Variants in FBXL7 observed in about 807,000 individuals in gnomAD.
FBXL7 encodes F-box and leucine rich repeat protein 7.
A neutral mutation model predicts 38.3 loss-of-function variants in FBXL7; 12 were observed. The observed-to-expected ratio is 0.31, with a 90% confidence interval of 0.20 to 0.51. The LOEUF is 0.51. Ranked by LOEUF, FBXL7 falls within the 20% of genes least tolerant of loss-of-function variation. The probability of loss-of-function intolerance (pLI) is 0.98; values close to 1 mark genes in which losing one functional copy is unlikely to be tolerated. For missense variants in FBXL7, 567 were observed against 676.4 expected (o/e 0.84, Z 1.79); for synonymous variants, 297 against 300.9 (o/e 0.99, Z 0.13).
At chr5:15,507,424 A>G (rs1045549280) in intron 1 of FBXL7, among the ~76,000 whole-genome samples, 1 of 152,230 alleles carries the variant, frequency 6.6e-6, no homozygotes, top group African/African-American at 2.4e-5. Flanking sequence ...AAATCAACTC[A>G]CATAAACTGT....
intron 2 of FBXL7, among the ~76,000 whole-genome samples, chr5:15,839,080 G>A (rs1738672867): frequency 6.7e-6 from 1 of 149,284 alleles, no homozygotes; most frequent in Non-Finnish European, 1.5e-5. Context: ...CCATTTTTCT[G>A]TTGGGTCATC....
chr5:15,694,102 C>T (rs1416653046), intron 2 of FBXL7, among the ~76,000 whole-genome samples: 1 of 152,160 alleles, frequency 6.6e-6, no homozygotes, highest in Non-Finnish European at 1.5e-5. Context: ...AACACTCAAC[C>T]CTAGACGCTG....
chr5:15,718,283 G>A (rs531890516), intron 2 of FBXL7, among the ~76,000 whole-genome samples: 30 of 152,212 alleles, frequency 2.0e-4, no homozygotes, highest in Admixed American at 1.5e-3. Context: ...TTGTAGGTTT[G>A]ACGTTTTTCA....
intron 2 of FBXL7, among the ~76,000 whole-genome samples, chr5:15,808,590 T>C (rs1176492213): frequency 6.6e-6 from 1 of 152,184 alleles, no homozygotes; most frequent in Non-Finnish European, 1.5e-5. Context: ...TCTCTTCCCC[T>C]AGCCAGAACC....
chr5:15,886,226 T>TGTGTGTGCGTGTGC lies in FBXL7; in HGVS notation c.128-41661_128-41660insTGTGCGTGTGCGTG, dbSNP rs911543741. Among the ~76,000 whole-genome samples the TGTGTGTGCGTGTGC allele has an allele frequency of 9.9e-5, 15 of 152,242 alleles. 1 individual carries two copies. The highest frequency in any genetic ancestry group is 3.6e-4 in the African/African-American group (15 of 41,546). On this transcript the variant is annotated intron_variant, in intron 2 of 3. Transcript: ENST00000504595. ...TAATTTTGAGGTGTGTGTGTGTGTGTGTGCATGCAAATGTATATGTGCATA... is the reference window on the plus strand; with the variant it reads ...TAATTTTGAGGTGTGTGTGTGTGTGTGTGTGTGCGTGTGCGTGCATGCAAATGTATATGTGCATA...
intron 1 of FBXL7, among the ~76,000 whole-genome samples, chr5:15,538,745 G>A (rs1561019860): frequency 6.6e-6 from 1 of 152,320 alleles, no homozygotes; most frequent in South Asian, 2.1e-4. Flanking sequence ...GCTCAGGCCT[G>A]TGTGCACTTG....
intron 2 of FBXL7, among the ~76,000 whole-genome samples, chr5:15,793,779 G>A (rs745756913): frequency 4.6e-5 from 7 of 152,142 alleles, no homozygotes; most frequent in Non-Finnish European, 1.0e-4. Context: ...CAGACACTGG[G>A]TATAGAACAG....
intron 2 of FBXL7, among the ~76,000 whole-genome samples, chr5:15,738,013 C>T (rs1321999414): frequency 2.0e-5 from 3 of 152,094 alleles, no homozygotes; most frequent in Non-Finnish European, 4.4e-5. Context: ...ACATATGTGC[C>T]TGAATGACTT....
chr5:15,779,606 T>G lies in FBXL7; in HGVS notation c.128-148284T>G, dbSNP rs80266677. Among the ~76,000 whole-genome samples, 1,354 of 152,250 alleles carry G rather than the reference T, an allele frequency of 8.9e-3. 6 individuals carry two copies. The highest frequency in any genetic ancestry group is 0.015 in the Non-Finnish European group (989 of 68,008). The stretch of plus-strand genomic sequence containing the variant: ...TTCACAGTCATTGGTTTCCATGCCT[T>G]TCCGAGTTCTAAGGAAAATCAGCCG... On this transcript the variant is annotated intron_variant, in intron 2 of 3. Transcript: ENST00000504595.
rs62353776 is a variant in FBXL7 at position 15,523,942 on chromosome 5, C to T, written c.37+23229C>T. ...TTTTGCAGAAGAATCAGAAGTTTTA[C>T]AGTATGAGCTAATGTTGCATATAGA... On this transcript the variant is annotated intron_variant, in intron 1 of 3. Coordinates refer to ENST00000504595, the MANE Select transcript of FBXL7 (RefSeq NM_012304.5). Among the ~76,000 whole-genome samples, 1,214 of 152,258 alleles carry T rather than the reference C, an allele frequency of 8.0e-3. 12 individuals are homozygous for T. Among genetic ancestry groups the T allele is most frequent in the South Asian group, 0.045 (217 of 4,822 alleles).
chr5:15,873,663 TAGA>T (rs1234052841), intron 2 of FBXL7, among the ~76,000 whole-genome samples: 5 of 152,132 alleles, frequency 3.3e-5, no homozygotes, highest in Non-Finnish European at 7.4e-5. Flanking sequence ...CTAGAAAATC[TAGA>T]AGAAGTGCAT....
intron 1 of FBXL7, among the ~76,000 whole-genome samples, chr5:15,508,348 G>A (rs1202015812): frequency 6.6e-6 from 1 of 152,208 alleles, no homozygotes; most frequent in African/African-American, 2.4e-5. Flanking sequence ...GACATTATCT[G>A]TACCTTAGAA....
intron 2 of FBXL7, among the ~76,000 whole-genome samples, chr5:15,777,484 T>A (rs1736884687): frequency 6.6e-6 from 1 of 151,906 alleles, no homozygotes; most frequent in African/African-American, 2.4e-5. Context: ...TTGACAATGA[T>A]GGAAATCACA....
intron 2 of FBXL7, among the ~76,000 whole-genome samples, chr5:15,838,149 G>C (rs1237183033): frequency 6.6e-6 from 1 of 152,030 alleles, no homozygotes; most frequent in Non-Finnish European, 1.5e-5. Flanking sequence ...GAGGCTCCAG[G>C]TTGTCCCAGG....
chr5:15,582,596 G>C (rs1164466666), intron 1 of FBXL7, among the ~76,000 whole-genome samples: 2 of 152,178 alleles, frequency 1.3e-5, no homozygotes, highest in East Asian at 1.9e-4. Flanking sequence ...CCAATTCCAT[G>C]TTATTCTTCC....
At chr5:15,666,364 A>C (rs751734233) in intron 2 of FBXL7, among the ~76,000 whole-genome samples, 6 of 152,182 alleles carry the variant, frequency 3.9e-5, no homozygotes, top group Non-Finnish European at 7.4e-5. Context: ...TGCAATCATC[A>C]CCATCTATCT....
intron 1 of FBXL7, among the ~76,000 whole-genome samples, chr5:15,605,713 A>G (rs1479936958): frequency 1.3e-5 from 2 of 152,196 alleles, no homozygotes; most frequent in East Asian, 3.8e-4. Context: ...TATCCTTACA[A>G]CAATTACAAT....
At chr5:15,552,460 C>T (rs553694027) in intron 1 of FBXL7, among the ~76,000 whole-genome samples, 2 of 152,312 alleles carry the variant, frequency 1.3e-5, no homozygotes, top group East Asian at 3.9e-4. Flanking sequence ...GTATCCATGG[C>T]CTAGATTTCC....
rs553631404 is a variant in FBXL7 at position 15,839,963 on chromosome 5, T to C, written c.128-87927T>C. Among the ~76,000 whole-genome samples the C allele has an allele frequency of 4.7e-4, 71 of 152,368 alleles. 1 individual carries two copies. The South Asian group carries it at 0.014, about 30-fold the overall frequency. ...ATTGATTACATTTAGTTACAACTTTTATTTTTTTACTTGGGCTATGAATAA... is the reference window on the plus strand; with the variant it reads ...ATTGATTACATTTAGTTACAACTTTCATTTTTTTACTTGGGCTATGAATAA... On this transcript the variant is annotated intron_variant, in intron 2 of 3. Coordinates refer to ENST00000504595, the MANE Select transcript of FBXL7 (RefSeq NM_012304.5).
Sources: gnomAD v4.1 joint callset for allele counts (sites outside exome capture counted in the v4.1 genomes callset) on GRCh38, gnomAD v4.1.1 for gene constraint, MANE v1.5 for transcripts, NCBI Gene and HGNC (gene_info 2026-07-23, HGNC 2026-07-21) for gene names.